Variants in SPTAN1 observed in about 807,000 individuals in gnomAD.
SPTAN1 encodes spectrin alpha chain, non-erythrocytic 1.
SPTAN1 carries 61 observed loss-of-function variants against 331.3 expected under a neutral mutation model. The observed-to-expected ratio is 0.18, with a 90% CI of 0.15 to 0.23. The LOEUF (loss-of-function observed/expected upper bound fraction) is 0.23. Ranked by LOEUF, SPTAN1 falls within the 10% of genes least tolerant of loss-of-function variation. The pLI is 1.00. For missense variants in SPTAN1, 2,043 were observed against 3,147.9 expected (o/e 0.65, Z 8.40); for synonymous variants, 1,153 against 1,173.9 (o/e 0.98, Z 0.36).
intron 51 of SPTAN1, chr9:128,628,746 C>T (rs1859190203): frequency 5.5e-6 from 1 of 182,278 alleles, no homozygotes; most frequent in Admixed American, 6.1e-5. Flanking sequence ...GAAATAGACC[C>T]ATCCAGCCGG....
chr9:128,627,983 G>A lies in SPTAN1; in HGVS notation c.6707+41G>A. ...TTCCTTCTCTGGGCTTGTCATGTGGGGGTCTCGTGCGCTTGCCCCTCGTGG... is the reference window on the plus strand; with the variant it reads ...TTCCTTCTCTGGGCTTGTCATGTGGAGGTCTCGTGCGCTTGCCCCTCGTGG... On this transcript the variant is annotated intron_variant, in intron 51 of 56. Coordinates refer to ENST00000372739, the MANE Select transcript of SPTAN1 (RefSeq NM_001130438.3). The surrounding 1 kb of genome is among the most constrained non-coding windows in gnomAD (Gnocchi z 4.9). 9 of 1,613,734 alleles carry A rather than the reference G, an allele frequency of 5.6e-6. No homozygotes were observed. The highest frequency in any genetic ancestry group is 1.1e-5 in the South Asian group (1 of 91,076).
At chr9:128,607,770 C>G in intron 32 of SPTAN1, 67 bp downstream of exon 32, 2 of 1,611,270 alleles carry the variant, frequency 1.2e-6, no homozygotes, top group Non-Finnish European at 1.7e-6. Flanking sequence ...GGCCTCATTC[C>G]CACCCTTTGT....
rs1345572029 is a variant in SPTAN1, at chr9:128,627,205, G to T, written c.6577-181G>T. 1 of 655,704 alleles carries T rather than the reference G, an allele frequency of 1.5e-6. No homozygotes were observed. The highest frequency in any genetic ancestry group is 2.8e-6 in the Non-Finnish European group (1 of 362,814). The allele number at this position is 655,704 out of a possible 1,614,324, so 40.6% of individuals were successfully genotyped here. A position where few individuals can be genotyped will look rare whatever the true frequency, so the allele number is the denominator to read the frequency against. On this transcript the variant is annotated intron_variant, in intron 49 of 56. Coordinates refer to ENST00000372739, the MANE Select transcript of SPTAN1 (RefSeq NM_001130438.3). The surrounding 1 kb of genome is among the most constrained non-coding windows in gnomAD (Gnocchi z 4.9). Reference sequence around the variant, plus strand: ...GCCTCTTCCTTGAAGCCCCTGGGGGGTGGGAACAGAGAAAGAACTACCAAG... The same window carrying T: ...GCCTCTTCCTTGAAGCCCCTGGGGGTTGGGAACAGAGAAAGAACTACCAAG...
At position 128,605,099 on chromosome 9, in the gene SPTAN1, G is replaced by A. The variant is rs901228960; in HGVS notation, c.3785G>A (p.Gly1262Glu). 3.1e-6 allele frequency: 5 copies of A among 1,613,850 alleles called. No individual in the cohort carries two copies. The highest frequency in any genetic ancestry group is 4.2e-6 in the Non-Finnish European group (5 of 1,180,024). The change falls in exon 30 of 57, where the codon GGA (glycine) becomes GAA (glutamate). Residue 1262 changes from glycine (G) to glutamate (E), a missense_variant. Transcript: ENST00000372739. Reference protein sequence around the residue: ...KNQALNTDNYGHDLASVQALQ... With the variant: ...KNQALNTDNYEHDLASVQALQ... ...CAAGCTCTAAACACAGACAATTATGGACATGATCTCGCCAGTGTCCAGGCC... is the reference window on the plus strand; with the variant it reads ...CAAGCTCTAAACACAGACAATTATGAACATGATCTCGCCAGTGTCCAGGCC...
At position 128,577,273 on chromosome 9, in the gene SPTAN1, G is replaced by A. The variant is rs1851412252; in HGVS notation, c.930G>A (p.Lys310=). The A allele has an allele frequency of 6.2e-7, 1 of 1,614,216 alleles. No individual in the cohort carries two copies. The highest frequency in any genetic ancestry group is 8.5e-7 in the Non-Finnish European group (1 of 1,180,034). ...LERDLAALED[K]VKALCAEADR... ...GAGATCTTGCTGCTCTAGAAGACAA[G>A]GTGGGTTTTACAAGCAGCTGATTCT... Residue 310 remains lysine, a splice_region_variant and synonymous_variant, in exon 7 of 57, where the codon AAG becomes AAA. Transcript: ENST00000372739. The surrounding 1 kb of genome is among the most constrained non-coding windows in gnomAD (Gnocchi z 4.2).
At position 128,575,215 on chromosome 9, in the gene SPTAN1, C is replaced by T. The variant is rs1205187852; in HGVS notation, c.521C>T (p.Ser174Phe). The T allele has an allele frequency of 1.2e-6, 2 of 1,614,106 alleles. No homozygotes were observed. Among genetic ancestry groups the T allele is most frequent in the Non-Finnish European group, 1.7e-6 (2 of 1,180,018 alleles). Residue 174 changes from serine (S) to phenylalanine (F), a missense_variant, in exon 5 of 57, where the codon TCT becomes TTT. By Grantham distance (155) the Ser-to-Phe change is radical. Around this residue, in one of 12 missense-constraint regions of SPTAN1, gnomAD observed 1,038 missense variants for 1,531.5 expected, o/e 0.68. Transcript: ENST00000372739. Reference protein sequence around the residue: ...WINDKEAIVTSEELGQDLEHV... With the variant: ...WINDKEAIVTFEELGQDLEHV... Reference sequence around the variant, plus strand: ...CCTGAATAGGAAGCAATTGTTACTTCTGAAGAGCTGGGCCAGGATCTGGAG... The same window carrying T: ...CCTGAATAGGAAGCAATTGTTACTTTTGAAGAGCTGGGCCAGGATCTGGAG...
Position 128,632,946 on chromosome 9 carries a change from G to A in SPTAN1, c.7299G>A (p.Glu2433=). The A allele has an allele frequency of 6.2e-7, 1 of 1,612,416 alleles. No homozygotes were observed. Among genetic ancestry groups the A allele is most frequent in the East Asian group, 2.2e-5 (1 of 44,888 alleles). ...SEGKPYVTKE[E]LYQNLTREQA... ...GAAAGCCTTACGTGACCAAGGAGGA[G>A]CTCTACCAGGTATGGGCCTCAGGAG... The change falls in exon 56 of 57, where the codon GAG becomes GAA. Residue 2433 remains glutamate (E), a synonymous_variant. Transcript: ENST00000372739.
In SPTAN1 at chr9:128,615,759, C is replaced by T. The variant is rs368402085; in HGVS notation, c.5276C>T (p.Ala1759Val). The T allele has an allele frequency of 1.9e-6, 3 of 1,614,132 alleles. No individual in the cohort carries two copies. Among genetic ancestry groups the T allele is most frequent in the African/African-American group, 1.3e-5 (1 of 74,956 alleles). ...TTCCAGAAGATCAAGAGCATGGCGG[C>T]CTCCCGGCGAGCCAAGCTGAATGAA... is the stretch of plus-strand genomic sequence containing the variant. ...GRFQKIKSMA[A>V]SRRAKLNESH... The change falls in exon 41 of 57, where the codon GCC (alanine) becomes GTC (valine). Residue 1759 changes from alanine to valine, a missense_variant. Ala to Val is a moderately conservative substitution (Grantham distance 64, BLOSUM62 0). Transcript: ENST00000372739.
intron 27 of SPTAN1, among the ~76,000 whole-genome samples, chr9:128,602,713 G>A (rs1855338302): frequency 6.6e-6 from 1 of 151,988 alleles, no homozygotes; most frequent in African/African-American, 2.4e-5. Context: ...TCAGCTCACT[G>A]CAACCTCTGC....
At chr9:128,582,931 C>A (rs146507720) in intron 14 of SPTAN1, 82 bp downstream of exon 14, 2 of 1,597,416 alleles carry the variant, frequency 1.3e-6, no homozygotes, top group African/African-American at 2.7e-5. Flanking sequence ...AGCTAAAGGA[C>A]GAAATAAGGG....
intron 6 of SPTAN1, 28 bp downstream of exon 6, chr9:128,576,984 A>G: frequency 1.2e-6 from 2 of 1,614,030 alleles, no homozygotes; most frequent in Non-Finnish European, 8.5e-7. Context: ...GCTTTGGGGA[A>G]TGGGTCTCAA....
Position 128,605,484 on chromosome 9 carries a change from A to T in SPTAN1, c.4046+7A>T. 6.2e-7 allele frequency: 1 copy of T among 1,614,022 alleles called. No individual in the cohort carries two copies. Among genetic ancestry groups the T allele is most frequent in the Non-Finnish European group, 8.5e-7 (1 of 1,179,946 alleles). On this transcript the variant is annotated splice_region_variant and intron_variant, in intron 31 of 56. Coordinates refer to ENST00000372739, the MANE Select transcript of SPTAN1 (RefSeq NM_001130438.3). ...GCTTCCTTAGCGATTTCCGGTACGG[A>T]GCCATGTTCACTCAGACTTCTGGAA... is the stretch of plus-strand genomic sequence containing the variant.
chr9:128,623,477 A>G (rs1054491052), intron 45 of SPTAN1, among the ~76,000 whole-genome samples: 2 of 147,572 alleles, frequency 1.4e-5, no homozygotes, highest in African/African-American at 2.5e-5. Flanking sequence ...TTTGTTTGAG[A>G]CAGAGTCTTG....
intron 52 of SPTAN1, 64 bp from the exon 53 acceptor site, chr9:128,632,063 G>A: frequency 6.4e-7 from 1 of 1,563,232 alleles, no homozygotes; most frequent in Non-Finnish European, 8.7e-7. Context: ...GCAGTAAGTG[G>A]CTCCTGGGCT....
intron 5 of SPTAN1, 54 bp from the exon 6 acceptor site, chr9:128,576,769 G>C: frequency 1.9e-6 from 3 of 1,607,048 alleles, no homozygotes. Flanking sequence ...AGGGTAACTA[G>C]TTGGAGGAGC....
chr9:128,569,984 T>C (rs1803151825), intron 3 of SPTAN1, among the ~76,000 whole-genome samples: 4 of 152,226 alleles, frequency 2.6e-5, no homozygotes, highest in Admixed American at 2.6e-4. Context: ...CCAAATGTCA[T>C]ATGACTAATA....
intron 2 of SPTAN1, among the ~76,000 whole-genome samples, chr9:128,567,422 G>C (rs1850162833): frequency 6.6e-6 from 1 of 152,172 alleles, no homozygotes; most frequent in African/African-American, 2.4e-5. Context: ...CTCCCAGGTT[G>C]CTGGGATTAC....
rs761359644 is a variant in SPTAN1 at position 128,604,422 on chromosome 9, G to C, written c.3719+5G>C. The C allele has an allele frequency of 1.9e-6, 3 of 1,612,542 alleles. No homozygotes were observed. Among genetic ancestry groups the C allele is most frequent in the Non-Finnish European group, 1.7e-6 (2 of 1,179,338 alleles). On this transcript the variant is annotated splice_donor_5th_base_variant and intron_variant, in intron 29 of 56. Transcript: ENST00000372739. ...TGAAGTACAGAGGTTCCACAGGTGAGGGGTCAGCCCTGGGCTGGGAGAGGG... is the reference window on the plus strand; with the variant it reads ...TGAAGTACAGAGGTTCCACAGGTGACGGGTCAGCCCTGGGCTGGGAGAGGG...
At chr9:128,587,759 A>T (rs1159223559) in intron 20 of SPTAN1, 61 bp downstream of exon 20, 9 of 1,429,492 alleles carry the variant, frequency 6.3e-6, no homozygotes, top group Non-Finnish European at 8.9e-6. Flanking sequence ...AGATACTGTC[A>T]GCAGGTGTTC....
Sources: gnomAD v4.1 joint callset for allele counts (sites outside exome capture counted in the v4.1 genomes callset) on GRCh38, gnomAD v4.1.1 for gene constraint, gnomAD v4.1.1 regional missense constraint, Gnocchi (gnomAD v3.1) non-coding constraint, MANE v1.5 for transcripts, NCBI Gene and HGNC (gene_info 2026-07-23, HGNC 2026-07-21) for gene names.